Variants in KCNC2 observed in about 807,000 individuals in gnomAD.
The protein encoded by KCNC2 is potassium voltage-gated channel subfamily C member 2, also known as voltage-gated potassium channel KCNC2.
Under a neutral mutation model 44.5 loss-of-function variants are expected in KCNC2, and 21 were observed. The observed-to-expected ratio is 0.47, with a 90% CI of 0.33 to 0.68. KCNC2 has a LOEUF of 0.68. Ranked by LOEUF, KCNC2 falls within the 30% of genes least tolerant of loss-of-function variation. KCNC2 has a pLI of 0.01. For missense variants in KCNC2, 589 were observed against 826.2 expected, an observed-to-expected ratio of 0.71 and a Z score of 3.52; for synonymous variants, 391 against 339.1, an observed-to-expected ratio of 1.15 and a Z score of -1.68.
chr12:75,157,414 T>TGAAA (rs1204385753), intron 2 of KCNC2, among the ~76,000 whole-genome samples: 23 of 151,920 alleles, frequency 1.5e-4, no homozygotes, highest in Non-Finnish European at 2.7e-4. Flanking sequence ...ATTATCTACC[T>TGAAA]CAGGATTTCT....
chr12:75,082,014 C>A (rs543748841), intron 2 of KCNC2, among the ~76,000 whole-genome samples: 3 of 152,050 alleles, frequency 2.0e-5, no homozygotes, highest in African/African-American at 4.8e-5. Flanking sequence ...CAATTTCTGT[C>A]TAAGCTTGAA....
chr12:75,165,856 A>G (rs999965362), intron 2 of KCNC2, among the ~76,000 whole-genome samples: 1 of 151,498 alleles, frequency 6.6e-6, no homozygotes, highest in Non-Finnish European at 1.5e-5. Flanking sequence ...CATAAATCCA[A>G]CAGGCTAGCC....
chr12:75,063,843 G>A (rs1240198497), intron 2 of KCNC2, among the ~76,000 whole-genome samples: 1 of 152,108 alleles, frequency 6.6e-6, no homozygotes, highest in Admixed American at 6.6e-5. Flanking sequence ...AGAAGCAGAT[G>A]AGAAAAATAA....
At chr12:75,203,932 C>T (rs1300483805) in intron 2 of KCNC2, among the ~76,000 whole-genome samples, 1 of 151,886 alleles carries the variant, frequency 6.6e-6, no homozygotes, top group East Asian at 1.9e-4. Flanking sequence ...ATATATGATA[C>T]ATTCTTCAAA....
At chr12:75,190,724 G>A (rs2030124237) in intron 2 of KCNC2, among the ~76,000 whole-genome samples, 1 of 151,994 alleles carries the variant, frequency 6.6e-6, no homozygotes, top group African/African-American at 2.4e-5. Flanking sequence ...AAAATATATA[G>A]CATATTACAA....
intron 2 of KCNC2, among the ~76,000 whole-genome samples, chr12:75,072,261 G>T (rs1366493885): frequency 6.6e-6 from 1 of 152,120 alleles, no homozygotes; most frequent in Non-Finnish European, 1.5e-5. Flanking sequence ...AAGTCGCCTT[G>T]ACAGTTTTGA....
chr12:75,201,882 T>A (rs1251492508), intron 2 of KCNC2, among the ~76,000 whole-genome samples: 1 of 151,988 alleles, frequency 6.6e-6, no homozygotes, highest in African/African-American at 2.4e-5. Flanking sequence ...ACTATATATT[T>A]TCTTCTACAG....
At chr12:75,191,548 TTTTTTTTTTTTTG>T (rs766857015) in intron 2 of KCNC2, among the ~76,000 whole-genome samples, 7,500 of 67,736 alleles carry the variant, frequency 0.11, 430 homozygotes, top group Non-Finnish European at 0.15. Context: ...TTTTTTTTTT[TTTTTTTTTTTTTG>T]GAGACGGAGT....
chr12:75,043,029 T>C lies in KCNC2; in HGVS notation c.*76A>G. On this transcript the variant is annotated 3_prime_UTR_variant, in exon 5 of 5. Transcript: ENST00000549446. The stretch of plus-strand genomic sequence containing the variant: ...ATGGAGCCTGGAGTAACTCTACATT[T>C]AATTATTTCCATTATGGGGTAAACA... 6.3e-7 allele frequency: 1 copy of C among 1,582,466 alleles called. No individual in the cohort carries two copies. The highest frequency in any genetic ancestry group is 1.2e-5 in the South Asian group (1 of 86,532).
Position 75,209,615 on chromosome 12 carries a change from T to G in KCNC2, c.-428A>C, listed in dbSNP as rs2031984759. ...GTCAGGAGAGCTCACCACTTGAAGG[T>G]GAAGTCGCCCTGCTCGGATTCCATC... On this transcript the variant is annotated 5_prime_UTR_variant, in exon 1 of 5. Coordinates refer to ENST00000549446, the MANE Select transcript of KCNC2 (RefSeq NM_139137.4). 1 of 152,094 alleles carries G rather than the reference T, an allele frequency of 6.6e-6. No individual in the cohort carries two copies. The highest frequency in any genetic ancestry group is 1.5e-5 in the Non-Finnish European group (1 of 68,128). 9.4% of individuals were successfully genotyped at this position (152,094 alleles called of 1,614,324 possible). A position where few individuals can be genotyped will look rare whatever the true frequency, so the allele number is the denominator to read the frequency against.
intron 2 of KCNC2, among the ~76,000 whole-genome samples, chr12:75,189,026 T>C (rs1013206461): frequency 1.3e-5 from 2 of 152,190 alleles, no homozygotes; most frequent in African/African-American, 2.4e-5. Context: ...TTGATGATCA[T>C]AGTAAATTGT....
At chr12:75,078,782 G>A (rs1450281042) in intron 2 of KCNC2, among the ~76,000 whole-genome samples, 1 of 152,136 alleles carries the variant, frequency 6.6e-6, no homozygotes, top group African/African-American at 2.4e-5. Flanking sequence ...ACTTGAAGGT[G>A]TTGTGAATAT....
At chr12:75,160,636 A>C (rs1457761874) in intron 2 of KCNC2, among the ~76,000 whole-genome samples, 3 of 151,860 alleles carry the variant, frequency 2.0e-5, no homozygotes, top group Admixed American at 2.0e-4. Context: ...CCATCTGTAA[A>C]AAGATGAAGG....
chr12:75,142,788 T>C (rs1279475786), intron 2 of KCNC2, among the ~76,000 whole-genome samples: 1 of 152,046 alleles, frequency 6.6e-6, no homozygotes, highest in Non-Finnish European at 1.5e-5. Context: ...CCCAAGACAA[T>C]ATACATTAAA....
chr12:75,172,359 A>T (rs1891887077), intron 2 of KCNC2, among the ~76,000 whole-genome samples: 1 of 151,788 alleles, frequency 6.6e-6, no homozygotes, highest in Non-Finnish European at 1.5e-5. Context: ...CATCAGGAAG[A>T]CTAACTAATG....
intron 2 of KCNC2, among the ~76,000 whole-genome samples, chr12:75,193,928 AG>A (rs1369083796): frequency 6.6e-6 from 1 of 152,218 alleles, no homozygotes; most frequent in Non-Finnish European, 1.5e-5. Flanking sequence ...AATTCCATAG[AG>A]GGACTAGAGT....
chr12:75,202,009 A>G (rs1236852870), intron 2 of KCNC2, among the ~76,000 whole-genome samples: 1 of 151,938 alleles, frequency 6.6e-6, no homozygotes, highest in Admixed American at 6.6e-5. Context: ...TGAAAATGAC[A>G]TTTACTTTAT....
chr12:75,061,249 T>C (rs1363186145), intron 2 of KCNC2, among the ~76,000 whole-genome samples: 1 of 151,984 alleles, frequency 6.6e-6, no homozygotes, highest in Non-Finnish European at 1.5e-5. Flanking sequence ...TTTCCCCAAG[T>C]GGATTTTTAA....
At chr12:75,205,359 T>C (rs1170318374) in intron 2 of KCNC2, among the ~76,000 whole-genome samples, 2 of 134,360 alleles carry the variant, frequency 1.5e-5, no homozygotes, top group African/African-American at 6.0e-5. Context: ...TTCTACTTGC[T>C]CTTTGACCTT....
Sources: gnomAD v4.1 joint callset for allele counts (sites outside exome capture counted in the v4.1 genomes callset) on GRCh38, gnomAD v4.1.1 for gene constraint, MANE v1.5 for transcripts, NCBI Gene and HGNC (gene_info 2026-07-23, HGNC 2026-07-21) for gene names.